SLC35F4: variants seen among roughly 807,000 people sequenced by gnomAD.
SLC35F4 encodes chromosome 14 open reading frame 36.
In SLC35F4, 24 loss-of-function variants were observed where a neutral mutation model predicts 44.2. The observed-to-expected ratio is 0.54, with a 90% CI of 0.39 to 0.76. SLC35F4 has a LOEUF of 0.76. Ranked by LOEUF, SLC35F4 falls within the 30% of genes least tolerant of loss-of-function variation. The pLI is 0.00. For missense variants in SLC35F4, 562 were observed against 586.1 expected, an observed-to-expected ratio of 0.96 and a Z score of 0.42; for synonymous variants, 238 against 223.6, an observed-to-expected ratio of 1.06 and a Z score of -0.57.
intron 1 of SLC35F4, among the ~76,000 whole-genome samples, chr14:57,929,628 A>G (rs189989812): frequency 1.7e-3 from 252 of 152,220 alleles, no homozygotes; most frequent in African/African-American, 5.8e-3. Context: ...CTCTCACCAA[A>G]CTTCCTTAAC....
chr14:57,936,020 T>C (rs1889788323), intron 1 of SLC35F4, among the ~76,000 whole-genome samples: 2 of 152,222 alleles, frequency 1.3e-5, no homozygotes, highest in Non-Finnish European at 2.9e-5. Context: ...TCAATTTTGT[T>C]CTTTACTGCT....
intron 1 of SLC35F4, among the ~76,000 whole-genome samples, chr14:57,694,564 A>C (rs1344223797): frequency 6.6e-6 from 1 of 152,152 alleles, no homozygotes; most frequent in African/African-American, 2.4e-5. Flanking sequence ...CCAGCTTGTA[A>C]CTATTTGAAC....
At chr14:57,866,884 G>C (rs927506070), upstream of SLC35F4, among the ~76,000 whole-genome samples, 6 of 151,560 alleles carry the variant, frequency 4.0e-5, no homozygotes, top group African/African-American at 1.5e-4. Flanking sequence ...TTTAGCCAGA[G>C]ACCCAATGGG....
chr14:57,834,828 T>TGGC (rs200230376), intron 1 of SLC35F4, among the ~76,000 whole-genome samples: 200 of 152,258 alleles, frequency 1.3e-3, no homozygotes, highest in African/African-American at 4.6e-3. Context: ...GAGACCAGCA[T>TGGC]GGCCAGCATG....
At chr14:57,569,527 G>T (rs1262663001) in intron 6 of SLC35F4, among the ~76,000 whole-genome samples, 1 of 152,154 alleles carries the variant, frequency 6.6e-6, no homozygotes, top group Non-Finnish European at 1.5e-5. Context: ...AAGAAGAATG[G>T]ATTGAAGGCC....
chr14:57,931,119 A>G (rs761422715), intron 1 of SLC35F4, among the ~76,000 whole-genome samples: 1 of 152,104 alleles, frequency 6.6e-6, no homozygotes, highest in Admixed American at 6.5e-5. Flanking sequence ...AAGTCTAAAG[A>G]CTCACTCAAG....
At chr14:57,719,238 T>C (rs542926571) in intron 1 of SLC35F4, among the ~76,000 whole-genome samples, 1 of 152,296 alleles carries the variant, frequency 6.6e-6, no homozygotes, top group East Asian at 1.9e-4. Context: ...GGTTACTATA[T>C]CTCTGTAGTG....
At chr14:57,964,974 GAAAA>G (rs72495990) in intron 1 of SLC35F4, among the ~76,000 whole-genome samples, 9,178 of 118,884 alleles carry the variant, frequency 0.077, 545 homozygotes, top group East Asian at 0.29. Context: ...TCCCATGGGG[GAAAA>G]AAAAAAAAAA....
intron 1 of SLC35F4, among the ~76,000 whole-genome samples, chr14:57,943,717 T>C (rs1889956985): frequency 6.6e-6 from 1 of 152,226 alleles, no homozygotes; most frequent in Non-Finnish European, 1.5e-5. Context: ...ACTTCTTCTG[T>C]AATACTATTC....
intron 1 of SLC35F4, among the ~76,000 whole-genome samples, chr14:57,737,141 A>G (rs1241945089): frequency 6.7e-6 from 1 of 150,286 alleles, no homozygotes; most frequent in Non-Finnish European, 1.5e-5. Context: ...TGTGTGTGTT[A>G]GGAGAGAGAG....
upstream of SLC35F4, chr14:57,866,204 C>T (rs1290470712): frequency 6.4e-6 from 1 of 156,210 alleles, no homozygotes; most frequent in Non-Finnish European, 1.4e-5. Context: ...AAACTAGACA[C>T]CCCAACCCCA....
At chr14:57,582,936 T>C (rs1226764425) in intron 3 of SLC35F4, among the ~76,000 whole-genome samples, 1 of 152,146 alleles carries the variant, frequency 6.6e-6, no homozygotes, top group Non-Finnish European at 1.5e-5. Flanking sequence ...AAATGTGACT[T>C]TCAACTGGAT....
upstream of SLC35F4, among the ~76,000 whole-genome samples, chr14:57,870,208 G>GTCTC (rs546902601): frequency 1.9e-3 from 284 of 150,848 alleles, 2 homozygotes; most frequent in Admixed American, 4.0e-3. Flanking sequence ...TTCTGTCTTT[G>GTCTC]TCTCTCTGAG....
rs567456607 is a variant in SLC35F4 at position 57,630,396 on chromosome 14, A to G, written c.104-36272T>C. ...AGCCATTCCAAATATGATAGATTCA[A>G]ACACTGAAATTAATCTTTTTCAAAA... On this transcript the variant is annotated intron_variant, in intron 1 of 7. Coordinates refer to ENST00000556826, the MANE Select transcript of SLC35F4 (RefSeq NM_001306087.2). The G allele has an allele frequency of 1.5e-5, 10 of 660,760 alleles. No individual in the cohort carries two copies. In the Admixed American group the frequency reaches 2.1e-4, roughly 14 times the overall value. 40.9% of individuals were successfully genotyped at this position (660,760 alleles called of 1,614,324 possible). A position where few individuals can be genotyped will look rare whatever the true frequency, so the allele number is the denominator to read the frequency against.
chr14:57,780,713 G>C (rs1488207851), intron 1 of SLC35F4, among the ~76,000 whole-genome samples: 1 of 152,052 alleles, frequency 6.6e-6, no homozygotes, highest in Non-Finnish European at 1.5e-5. Flanking sequence ...AACTAAAACA[G>C]CATGGTACTG....
chr14:57,893,526 C>G (rs1264217640), intron 1 of SLC35F4, among the ~76,000 whole-genome samples: 1 of 152,158 alleles, frequency 6.6e-6, no homozygotes, highest in South Asian at 2.1e-4. Context: ...TGCCATTACA[C>G]CTCATTGCCT....
Position 57,566,661 on chromosome 14 carries a change from C to T in SLC35F4, c.1127-97G>A, listed in dbSNP as rs1365706718. The T allele has an allele frequency of 1.5e-5, 18 of 1,195,630 alleles. No individual in the cohort carries two copies. The South Asian group carries it at 2.4e-4, about 16-fold the overall frequency. 74.1% of individuals were successfully genotyped at this position (1,195,630 alleles called of 1,614,324 possible). Reference sequence around the variant, plus strand: ...TGAATCAATGTCTTTGCTACATGTGCCTTTTAAACTGTCTATACCTTTGAT... The same window carrying T: ...TGAATCAATGTCTTTGCTACATGTGTCTTTTAAACTGTCTATACCTTTGAT... On this transcript the variant is annotated intron_variant, in intron 6 of 7. Coordinates refer to ENST00000556826, the MANE Select transcript of SLC35F4 (RefSeq NM_001306087.2).
intron 1 of SLC35F4, among the ~76,000 whole-genome samples, chr14:57,693,310 C>T (rs1471681517): frequency 6.6e-6 from 1 of 152,136 alleles, no homozygotes; most frequent in African/African-American, 2.4e-5. Context: ...AAAATCTGGC[C>T]ATAAATTGGC....
chr14:57,569,715 C>A, intron 6 of SLC35F4, 73 bp downstream of exon 6: 2 of 1,404,700 alleles, frequency 1.4e-6, no homozygotes, highest in East Asian at 2.6e-5. Flanking sequence ...AGGAAATAAT[C>A]CTATGATGAT....
Sources: gnomAD v4.1 joint callset for allele counts (sites outside exome capture counted in the v4.1 genomes callset) on GRCh38, gnomAD v4.1.1 for gene constraint, MANE v1.5 for transcripts, NCBI Gene and HGNC (gene_info 2026-07-23, HGNC 2026-07-21) for gene names.